GLCCI1: variants seen among roughly 807,000 people sequenced by gnomAD.
The protein encoded by GLCCI1 is glucocorticoid-induced transcript 1 protein.
GLCCI1 carries 24 observed loss-of-function variants against 52.2 expected under a neutral mutation model. The observed-to-expected ratio is 0.46, with a 90% CI of 0.33 to 0.65. GLCCI1 has a LOEUF of 0.65. Ranked by LOEUF, GLCCI1 falls within the 30% of genes least tolerant of loss-of-function variation. GLCCI1 has a pLI of 0.02. For missense variants in GLCCI1, 704 were observed against 701.5 expected (o/e 1.00, Z -0.04); for synonymous variants, 310 against 276.5 (o/e 1.12, Z -1.20).
intron 7 of GLCCI1, among the ~76,000 whole-genome samples, chr7:8,085,731 C>T (rs953963573): frequency 6.1e-5 from 4 of 65,922 alleles, no homozygotes; most frequent in Non-Finnish European, 1.1e-4. Flanking sequence ...TGAGAGACCA[C>T]TGAAACTCCC....
At chr7:8,004,421 A>T (rs767883620) in intron 2 of GLCCI1, among the ~76,000 whole-genome samples, 3 of 152,220 alleles carry the variant, frequency 2.0e-5, no homozygotes, top group Non-Finnish European at 4.4e-5. Context: ...TAAAGTAGTA[A>T]CAAATGCCTA....
intron 3 of GLCCI1, among the ~76,000 whole-genome samples, chr7:8,049,652 T>G (rs1782213840): frequency 1.3e-5 from 2 of 152,238 alleles, no homozygotes; most frequent in South Asian, 4.1e-4. Flanking sequence ...TTTTTGTTCA[T>G]TATTATTTCA....
intron 2 of GLCCI1, among the ~76,000 whole-genome samples, chr7:8,010,756 G>A (rs904201887): frequency 7.2e-5 from 11 of 151,988 alleles, no homozygotes; most frequent in African/African-American, 2.4e-4. Flanking sequence ...TTATTAACAG[G>A]TTTTTGGGGG....
chr7:8,051,123 T>G (rs1782249846), intron 3 of GLCCI1, among the ~76,000 whole-genome samples: 2 of 152,252 alleles, frequency 1.3e-5, no homozygotes. Flanking sequence ...TTCAGCATGT[T>G]GAATTATAAT....
chr7:8,074,750 T>TTTTATTAAAGAC lies in GLCCI1; in HGVS notation c.1177+3620_1177+3631dup, dbSNP rs545445254. Among the ~76,000 whole-genome samples, 48 of 152,348 alleles carry TTTTATTAAAGAC rather than the reference T, an allele frequency of 3.2e-4. No homozygotes were observed. The East Asian group carries it at 7.9e-3, about 25-fold the overall frequency. On this transcript the variant is annotated intron_variant, in intron 6 of 7. Transcript: ENST00000223145. ...TACAATAAATCATAAATTGGTGTTT[T>TTTTATTAAAGAC]TTTATTAAAGACATAAAAGGAAGCT...
rs58561376 is a variant in GLCCI1, at chr7:8,040,525, AACACACAC to A, written c.697-14879_697-14872del. Among the ~76,000 whole-genome samples, 1,062 of 145,304 alleles carry A rather than the reference AACACACAC, an allele frequency of 7.3e-3. 14 individuals carry two copies. Among genetic ancestry groups the A allele is most frequent in the African/African-American group, 0.022 (858 of 39,342 alleles). On this transcript the variant is annotated intron_variant, in intron 3 of 7. Coordinates refer to ENST00000223145, the MANE Select transcript of GLCCI1 (RefSeq NM_138426.4). ...TTAAAAACCATAGTGAGATATAATT[AACACACAC>A]ACACACACACACACACACACACACA...
At chr7:8,020,201 A>T (rs1781456807) in intron 2 of GLCCI1, among the ~76,000 whole-genome samples, 1 of 152,096 alleles carries the variant, frequency 6.6e-6, no homozygotes, top group Non-Finnish European at 1.5e-5. Context: ...TTTAAAGCTA[A>T]GACAAACATA....
intron 1 of GLCCI1, among the ~76,000 whole-genome samples, chr7:7,974,091 C>A (rs1322626369): frequency 6.6e-6 from 1 of 152,048 alleles, no homozygotes; most frequent in Non-Finnish European, 1.5e-5. Context: ...TCTAAAGAGA[C>A]AGGTTTCACA....
At chr7:8,085,116 A>G in intron 7 of GLCCI1, 99 bp downstream of exon 7, 2 of 1,378,666 alleles carry the variant, frequency 1.5e-6, no homozygotes, top group Non-Finnish European at 2.0e-6. Context: ...TATCCAGCTG[A>G]TAATGTGTTT....
chr7:8,042,846 G>C (rs1782032852), intron 3 of GLCCI1, among the ~76,000 whole-genome samples: 2 of 152,238 alleles, frequency 1.3e-5, no homozygotes, highest in Non-Finnish European at 1.5e-5. Flanking sequence ...GAGTGGCAGG[G>C]TTTGAGAGGA....
At chr7:8,052,215 C>G (rs1782273211) in intron 3 of GLCCI1, among the ~76,000 whole-genome samples, 1 of 152,084 alleles carries the variant, frequency 6.6e-6, no homozygotes, top group Non-Finnish European at 1.5e-5. Flanking sequence ...CTTGGTCTAG[C>G]CTGGATTTAC....
At chr7:8,060,891 C>G (rs1782500013) in intron 5 of GLCCI1, among the ~76,000 whole-genome samples, 1 of 152,096 alleles carries the variant, frequency 6.6e-6, no homozygotes, top group South Asian at 2.1e-4. Context: ...TGAGGAACTG[C>G]CAGACTCTTT....
At chr7:8,072,321 C>A (rs574305904) in intron 6 of GLCCI1, among the ~76,000 whole-genome samples, 91 of 152,102 alleles carry the variant, frequency 6.0e-4, no homozygotes, top group Non-Finnish European at 6.9e-4. Flanking sequence ...TGGACTTTGT[C>A]CTCTGCTTTT....
intron 3 of GLCCI1, among the ~76,000 whole-genome samples, chr7:8,047,329 CG>C (rs1243104409): frequency 2.6e-5 from 4 of 152,122 alleles, no homozygotes; most frequent in African/African-American, 9.7e-5. Context: ...CAATTGTACG[CG>C]TATACTTTTC....
chr7:8,009,835 A>G lies in GLCCI1; in HGVS notation c.609+5776A>G, dbSNP rs564773901. 2.2e-4 allele frequency among the ~76,000 whole-genome samples: 33 copies of G among 151,912 alleles called. No individual in the cohort carries two copies. The South Asian group carries it at 5.8e-3, about 27-fold the overall frequency. The stretch of plus-strand genomic sequence containing the variant: ...TTTTGTAGGCCTTTCAGAGCATAGT[A>G]TGTTATTTTTATTAATTAAAAGCTT... On this transcript the variant is annotated intron_variant, in intron 2 of 7. Coordinates refer to ENST00000223145, the MANE Select transcript of GLCCI1 (RefSeq NM_138426.4).
At chr7:8,016,426 A>G (rs1431328967) in intron 2 of GLCCI1, among the ~76,000 whole-genome samples, 1 of 152,114 alleles carries the variant, frequency 6.6e-6, no homozygotes, top group Non-Finnish European at 1.5e-5. Flanking sequence ...CCGAGATCGC[A>G]CCACTGCACT....
chr7:8,011,343 A>G (rs1054657099), intron 2 of GLCCI1, among the ~76,000 whole-genome samples: 3 of 151,902 alleles, frequency 2.0e-5, no homozygotes, highest in African/African-American at 7.3e-5. Flanking sequence ...CCATCATTCT[A>G]TTTTCTGTCT....
intron 6 of GLCCI1, among the ~76,000 whole-genome samples, chr7:8,074,195 TGTA>T (rs1036520347): frequency 8.5e-5 from 13 of 152,142 alleles, no homozygotes; most frequent in African/African-American, 2.9e-4. Context: ...GAATTTATAG[TGTA>T]GTAGGGAGTA....
chr7:8,016,447 C>T (rs956284739), intron 2 of GLCCI1, among the ~76,000 whole-genome samples: 2 of 151,936 alleles, frequency 1.3e-5, no homozygotes, highest in East Asian at 3.9e-4. Flanking sequence ...CCAGCCTGGA[C>T]GACAGAGCGA....
Sources: allele counts gnomAD v4.1 joint callset (sites outside exome capture counted in the v4.1 genomes callset), GRCh38; gene constraint gnomAD v4.1.1; transcripts MANE v1.5; gene names NCBI Gene and HGNC (gene_info 2026-07-23, HGNC 2026-07-21).